TRNT1: variants seen among roughly 807,000 people sequenced by gnomAD.
TRNT1 encodes the protein CCA tRNA nucleotidyltransferase 1, mitochondrial.
In TRNT1, 44 loss-of-function variants were observed where a neutral mutation model predicts 45.6. The ratio of observed to expected loss-of-function variants is 0.97; its 90% CI spans 0.76 to 1.24. The LOEUF is 1.24. TRNT1 is among the 50% of genes most tolerant of loss of function. TRNT1 has a pLI of 0.00. For missense variants in TRNT1, 633 were observed against 504.4 expected, an observed-to-expected ratio of 1.25 and a Z score of -2.44; for synonymous variants, 201 against 171.4, an observed-to-expected ratio of 1.17 and a Z score of -1.35.
chr3:3,152,826 C>T (rs1045872221), downstream of TRNT1: 1 of 546,754 alleles, frequency 1.8e-6, no homozygotes, highest in Non-Finnish European at 3.3e-6. Context: ...GGAAATAGTA[C>T]TTGTTTTTAA....
chr3:3,152,150 A>AATT (rs200409719), downstream of TRNT1, among the ~76,000 whole-genome samples: 7 of 147,096 alleles, frequency 4.8e-5, no homozygotes, highest in Admixed American at 2.0e-4. Context: ...ATTTAAATAA[A>AATT]TTTTTTTTTT....
At chr3:3,129,840 C>T in intron 2 of TRNT1, 2 of 1,547,124 alleles carry the variant, frequency 1.3e-6, no homozygotes, top group South Asian at 1.2e-5. Flanking sequence ...TAACTACTAA[C>T]TAGAGAGCTA....
intron 1 of TRNT1, among the ~76,000 whole-genome samples, chr3:3,128,773 A>T (rs1031429727): frequency 4.6e-5 from 1 of 21,610 alleles, no homozygotes; most frequent in Non-Finnish European, 2.7e-3. Context: ...TCAGTACTGA[A>T]ACAGTTATGG....
intron 2 of TRNT1, among the ~76,000 whole-genome samples, chr3:3,134,739 A>G (rs1322353413): frequency 2.0e-5 from 3 of 152,182 alleles, no homozygotes; most frequent in Admixed American, 6.5e-5. Context: ...TTAGAATATC[A>G]TAATTCAGTT....
intron 3 of TRNT1, among the ~76,000 whole-genome samples, chr3:3,140,016 A>G (rs945460694): frequency 1.3e-5 from 2 of 152,214 alleles, no homozygotes; most frequent in African/African-American, 4.8e-5. Flanking sequence ...GGCATGAGCC[A>G]CCACCCCCAG....
intron 1 of TRNT1, chr3:3,127,879 T>G (rs942708878): frequency 2.6e-5 from 4 of 152,184 alleles, no homozygotes; most frequent in African/African-American, 9.7e-5. Flanking sequence ...TTGGGCTGCT[T>G]ATTCTCGCTG....
At chr3:3,134,887 A>C (rs1705231203) in intron 2 of TRNT1, among the ~76,000 whole-genome samples, 1 of 152,136 alleles carries the variant, frequency 6.6e-6, no homozygotes, top group African/African-American at 2.4e-5. Flanking sequence ...GCTTAGAAGA[A>C]ATTCACCTAA....
rs772535976 is a variant in TRNT1, at chr3:3,147,644, T to G, written c.997T>G (p.Leu333Val). Residue 333 changes from leucine (L) to valine (V), a missense_variant, in exon 7 of 8, where the codon TTA becomes GTA. Physicochemically the swap from Leu to Val is conservative, Grantham distance 32. Transcript: ENST00000251607. ...ATTTATAGTTAAAAATAGGAAAGAT[T>G]TAATTAAAGCAACAGATAGTTCAGA... ...GLFIVKNRKD[L>V]IKATDSSDPL... The G allele has an allele frequency of 4.3e-6, 7 of 1,613,792 alleles. No homozygotes were observed. In the South Asian group the frequency reaches 6.6e-5, roughly 15 times the overall value.
At position 3,146,413 on chromosome 3, in the gene TRNT1, A is replaced by T; in HGVS notation, c.609-17A>T. The stretch of plus-strand genomic sequence containing the variant: ...GCCAATATAGAGGTAATACCCTGTG[A>T]AGATTTTGTCTTGTAGGTTTTATGG... On this transcript the variant is annotated splice_polypyrimidine_tract_variant and intron_variant, in intron 5 of 7. Transcript: ENST00000251607. 1 of 1,598,130 alleles carries T rather than the reference A, an allele frequency of 6.3e-7. No homozygotes were observed. Among genetic ancestry groups the T allele is most frequent in the Non-Finnish European group, 8.5e-7 (1 of 1,173,272 alleles).
downstream of TRNT1, chr3:3,152,423 GAAA>G (rs11414437): frequency 3.4e-6 from 5 of 1,486,982 alleles, no homozygotes; most frequent in South Asian, 3.7e-5. Context: ...GGTAAAAAAA[GAAA>G]AAAAAAAGCA....
chr3:3,152,515 A>G, downstream of TRNT1: 3 of 1,614,120 alleles, frequency 1.9e-6, no homozygotes, highest in Non-Finnish European at 2.5e-6. Context: ...TGCAAGCCTT[A>G]TACACAGTAA....
downstream of TRNT1, chr3:3,151,123 C>T: frequency 6.7e-7 from 1 of 1,491,366 alleles, no homozygotes; most frequent in Non-Finnish European, 9.2e-7. Flanking sequence ...ATCATGAAGA[C>T]AGACTTTAGA....
At chr3:3,152,695 A>C (rs1195773961), downstream of TRNT1, 1 of 1,333,190 alleles carries the variant, frequency 7.5e-7, no homozygotes, top group African/African-American at 1.5e-5. Flanking sequence ...TGAGCTATAC[A>C]GTTTTTAATC....
chr3:3,138,252 ACCT>A (rs1705444328), intron 3 of TRNT1, among the ~76,000 whole-genome samples: 1 of 152,028 alleles, frequency 6.6e-6, no homozygotes, highest in African/African-American at 2.4e-5. Flanking sequence ...TTTTTATTTC[ACCT>A]CCATGGTGGT....
downstream of TRNT1, chr3:3,150,635 C>G (rs1400742970): frequency 2.2e-6 from 1 of 460,340 alleles, no homozygotes; most frequent in South Asian, 2.2e-5. Context: ...ACCAAGCTAC[C>G]CAAGTAGATG....
At chr3:3,142,136 A>T (rs1383601317) in intron 4 of TRNT1, among the ~76,000 whole-genome samples, 1 of 152,040 alleles carries the variant, frequency 6.6e-6, no homozygotes, top group Non-Finnish European at 1.5e-5. Flanking sequence ...TCTCATATTT[A>T]CTCATAGAGG....
chr3:3,135,958 T>C (rs1187050382), intron 2 of TRNT1, among the ~76,000 whole-genome samples: 3 of 152,176 alleles, frequency 2.0e-5, no homozygotes, highest in Non-Finnish European at 2.9e-5. Flanking sequence ...TTGGGTCATT[T>C]TGGAGAGCAT....
chr3:3,152,406 C>CAATTAAGGTAA, downstream of TRNT1: 1 of 1,577,802 alleles, frequency 6.3e-7, no homozygotes, highest in Non-Finnish European at 8.6e-7. Context: ...TTTTTCTGCC[C>CAATTAAGGTAA]AATTAAGGTA....
chr3:3,138,229 AC>A (rs1359539642), intron 3 of TRNT1, among the ~76,000 whole-genome samples: 1 of 152,154 alleles, frequency 6.6e-6, no homozygotes, highest in Non-Finnish European at 1.5e-5. Flanking sequence ...GAAGCCTTAC[AC>A]GTCTGAAAAT....
Sources: allele counts gnomAD v4.1 joint callset (sites outside exome capture counted in the v4.1 genomes callset), GRCh38; gene constraint gnomAD v4.1.1; transcripts MANE v1.5; gene names NCBI Gene and HGNC (gene_info 2026-07-23, HGNC 2026-07-21).